Variants in ADAM29 observed in about 807,000 individuals in gnomAD.
ADAM29 encodes the protein ADAM metallopeptidase domain 29.
For missense variants in ADAM29, 969 were observed against 1,001.8 expected, an observed-to-expected ratio of 0.97 and a Z score of 0.44; for synonymous variants, 367 against 342.3, an observed-to-expected ratio of 1.07 and a Z score of -0.80.
At chr4:174,932,297 G>GA (rs143076634) in intron 3 of ADAM29, among the ~76,000 whole-genome samples, 22,668 of 149,764 alleles carry the variant, frequency 0.15, 2,425 homozygotes, top group African/African-American at 0.29. Context: ...CAAAAAAGAA[G>GA]AAAAAAAAAG....
chr4:174,929,932 TGTTA>T (rs1733526601), intron 2 of ADAM29, among the ~76,000 whole-genome samples: 1 of 151,850 alleles, frequency 6.6e-6, no homozygotes, highest in Non-Finnish European at 1.5e-5. Flanking sequence ...AATTTTTGTT[TGTTA>T]GTTTGTTTTT....
intron 4 of ADAM29, among the ~76,000 whole-genome samples, chr4:174,961,694 G>A (rs1340413589): frequency 6.6e-6 from 1 of 151,992 alleles, no homozygotes; most frequent in African/African-American, 2.4e-5. Flanking sequence ...AATAAAACAA[G>A]AATTAGAAAA....
In ADAM29 at chr4:174,976,891, A is replaced by G; in HGVS notation, c.1366A>G (p.Arg456Gly). ...CKFLPSGKVC[R>G]KEVNECDLPE... ...GTTCCTACCATCAGGGAAAGTGTGTAGAAAGGAGGTCAATGAATGTGATCT... is the reference window on the plus strand; with the variant it reads ...GTTCCTACCATCAGGGAAAGTGTGTGGAAAGGAGGTCAATGAATGTGATCT... Residue 456 changes from arginine to glycine, a missense_variant, in exon 5 of 5, where the codon AGA becomes GGA. Transcript: ENST00000359240. 1.2e-6 allele frequency: 2 copies of G among 1,614,212 alleles called. No homozygotes were observed. The highest frequency in any genetic ancestry group is 1.7e-6 in the Non-Finnish European group (2 of 1,180,050).
intron 4 of ADAM29, among the ~76,000 whole-genome samples, chr4:174,956,273 C>T (rs1293370793): frequency 6.6e-6 from 1 of 151,944 alleles, no homozygotes; most frequent in African/African-American, 2.4e-5. Flanking sequence ...AGTGATTGTT[C>T]CTTCCTCAAC....
chr4:174,938,053 TG>T (rs1437045222), intron 4 of ADAM29, among the ~76,000 whole-genome samples: 2 of 152,034 alleles, frequency 1.3e-5, no homozygotes, highest in African/African-American at 2.4e-5. Context: ...CTGAAGAATA[TG>T]GGGAAATATT....
intron 4 of ADAM29, among the ~76,000 whole-genome samples, chr4:174,974,115 G>T (rs1000701344): frequency 6.6e-6 from 1 of 152,154 alleles, no homozygotes; most frequent in African/African-American, 2.4e-5. Flanking sequence ...TGTGTTTGGT[G>T]GGCCTGCCAA....
intron 4 of ADAM29, among the ~76,000 whole-genome samples, chr4:174,971,884 AT>A (rs1390139786): frequency 6.6e-6 from 1 of 151,906 alleles, no homozygotes; most frequent in Non-Finnish European, 1.5e-5. Context: ...TTCTCCACTC[AT>A]TTTTGTTCTT....
intron 4 of ADAM29, among the ~76,000 whole-genome samples, chr4:174,964,926 C>T (rs565775532): frequency 6.6e-6 from 1 of 151,876 alleles, no homozygotes; most frequent in South Asian, 2.1e-4. Flanking sequence ...AAATAAAAAA[C>T]ACAGAAAATC....
At chr4:174,941,475 G>A (rs545502489) in intron 4 of ADAM29, among the ~76,000 whole-genome samples, 6 of 152,196 alleles carry the variant, frequency 3.9e-5, no homozygotes, top group African/African-American at 1.4e-4. Flanking sequence ...CACATAGCTG[G>A]GGAGGCCTCA....
intron 2 of ADAM29, among the ~76,000 whole-genome samples, chr4:174,928,568 T>TAAAAAAAA (rs1178537733): frequency 3.5e-4 from 2 of 5,778 alleles, no homozygotes; most frequent in Admixed American, 1.9e-3. Flanking sequence ...TGTCATGTGC[T>TAAAAAAAA]TAAAAAAAAA....
Position 174,977,560 on chromosome 4 carries a change from CT to C in ADAM29, c.2036del (p.Leu679ArgfsTer26). Reference sequence around the variant, plus strand: ...AAAGAAGAAAAAGAAGTTCTGTTATCTGTGTATATTGTTGCTTATTGTTTTG... The same window carrying C: ...AAAGAAGAAAAAGAAGTTCTGTTATCGTGTATATTGTTGCTTATTGTTTTG... ...KRKKKKKFCY[L>X]CILLLIVLFI... On this transcript the variant is annotated frameshift_variant, in exon 5 of 5. Coordinates refer to ENST00000359240, the MANE Select transcript of ADAM29 (RefSeq NM_014269.4). LOFTEE classifies it low-confidence loss of function (END_TRUNC). 6.2e-7 allele frequency: 1 copy of C among 1,614,034 alleles called. No individual in the cohort carries two copies. Among genetic ancestry groups the C allele is most frequent in the Non-Finnish European group, 8.5e-7 (1 of 1,179,968 alleles).
intron 4 of ADAM29, among the ~76,000 whole-genome samples, chr4:174,944,310 G>A (rs4469051): frequency 0.7 from 106,836 of 151,864 alleles, 39,177 homozygotes; most frequent in Non-Finnish European, 0.8. Flanking sequence ...AAAAATCCGA[G>A]TAGGAAGAAA....
At chr4:174,933,654 A>G (rs924371987) in intron 3 of ADAM29, among the ~76,000 whole-genome samples, 18 of 151,978 alleles carry the variant, frequency 1.2e-4, no homozygotes, top group Admixed American at 1.1e-3. Flanking sequence ...GGAGACCCCA[A>G]TGTCTATTGT....
At chr4:174,963,078 C>T (rs546683457) in intron 4 of ADAM29, among the ~76,000 whole-genome samples, 1 of 152,178 alleles carries the variant, frequency 6.6e-6, no homozygotes, top group African/African-American at 2.4e-5. Flanking sequence ...CATTAAAATA[C>T]TTGGCCTGAA....
At chr4:174,971,709 T>C (rs1359284894) in intron 4 of ADAM29, among the ~76,000 whole-genome samples, 1 of 152,160 alleles carries the variant, frequency 6.6e-6, no homozygotes, top group African/African-American at 2.4e-5. Context: ...ATTTGGGAAC[T>C]TTTGGGCTTC....
intron 4 of ADAM29, among the ~76,000 whole-genome samples, chr4:174,970,008 A>C (rs1051246627): frequency 2.0e-4 from 30 of 152,096 alleles, no homozygotes; most frequent in Admixed American, 1.7e-3. Context: ...ACCTGTCTCC[A>C]CATCCTCACT....
intron 3 of ADAM29, among the ~76,000 whole-genome samples, chr4:174,934,336 C>T (rs1346417158): frequency 2.0e-5 from 3 of 151,958 alleles, no homozygotes; most frequent in South Asian, 2.1e-4. Context: ...TGATATAATG[C>T]ATATATCATA....
intron 4 of ADAM29, among the ~76,000 whole-genome samples, chr4:174,957,060 TAACAATGA>T (rs1263874347): frequency 6.6e-6 from 1 of 151,864 alleles, no homozygotes; most frequent in African/African-American, 2.4e-5. Context: ...TATAAATCAA[TAACAATGA>T]AACACACAGG....
chr4:174,970,247 C>A (rs908809315), intron 4 of ADAM29, among the ~76,000 whole-genome samples: 4 of 152,138 alleles, frequency 2.6e-5, no homozygotes, highest in African/African-American at 9.6e-5. Flanking sequence ...GACAAAGATT[C>A]CAATTTACAT....
Sources: gnomAD v4.1 joint callset for allele counts (sites outside exome capture counted in the v4.1 genomes callset) on GRCh38, gnomAD v4.1.1 for gene constraint, MANE v1.5 for transcripts, NCBI Gene and HGNC (gene_info 2026-07-23, HGNC 2026-07-21) for gene names.